NDUFB2: variants seen among roughly 807,000 people sequenced by gnomAD.
The protein encoded by NDUFB2 is NADH:ubiquinone oxidoreductase subunit B2.
Under a neutral mutation model 13.4 loss-of-function variants are expected in NDUFB2, and 13 were observed. The observed-to-expected ratio is 0.97, with a 90% CI of 0.63 to 1.54. The LOEUF is 1.54. NDUFB2 is among the 40% of genes most tolerant of loss of function. The pLI is 0.00. For synonymous variants in NDUFB2, 47 were observed against 50.6 expected (o/e 0.93, Z 0.30); for missense variants, 150 against 139.7 (o/e 1.07, Z -0.37).
At chr7:140,701,267 C>T (rs1794893152) in intron 1 of NDUFB2, among the ~76,000 whole-genome samples, 1 of 152,184 alleles carries the variant, frequency 6.6e-6, no homozygotes, top group South Asian at 2.1e-4. Flanking sequence ...CAGCATCTCA[C>T]TGGTAAATCA....
intron 1 of NDUFB2, chr7:140,700,889 T>C (rs1436059822): frequency 6.6e-6 from 1 of 152,128 alleles, no homozygotes; most frequent in Non-Finnish European, 1.5e-5. Context: ...GAATGAATAA[T>C]ATAATTGGTA....
rs1279304147 is a variant in NDUFB2 at position 140,696,814 on chromosome 7, C to T, written c.70C>T (p.Arg24Trp). The T allele has an allele frequency of 9.3e-6, 15 of 1,608,914 alleles. No individual in the cohort carries two copies. The South Asian group carries it at 1.4e-4, about 15-fold the overall frequency. Reference protein sequence around the residue: ...GGRLFRSGCARTAGDGGVRHA... With the variant: ...GGRLFRSGCAWTAGDGGVRHA... The stretch of plus-strand genomic sequence containing the variant: ...CCGCCTTTTCAGAAGCGGCTGCGCA[C>T]GGACTGCTGGAGATGGTGGAGTCCG... Residue 24 changes from arginine to tryptophan, a missense_variant, in exon 1 of 4, where the codon CGG becomes TGG. Arg to Trp is a moderately radical substitution (Grantham distance 101, BLOSUM62 -3). Transcript: ENST00000247866.
At chr7:140,697,187 T>G in intron 1 of NDUFB2, 1 of 610,518 alleles carries the variant, frequency 1.6e-6, no homozygotes, top group South Asian at 1.9e-5. Flanking sequence ...GCGGCGGGTG[T>G]GGACGCTCCT....
chr7:140,702,622 TAATG>T (rs1320435581), intron 1 of NDUFB2: 3 of 434,110 alleles, frequency 6.9e-6, no homozygotes, highest in African/African-American at 6.0e-5. Flanking sequence ...TAGTGCAAAA[TAATG>T]AATCTTCACT....
At chr7:140,702,761 T>G in intron 1 of NDUFB2, 105 bp from the exon 2 acceptor site, 5 of 1,266,052 alleles carry the variant, frequency 3.9e-6, no homozygotes, top group Non-Finnish European at 4.4e-6. Context: ...TCAGTGGAGA[T>G]GAGAAACATT....
chr7:140,706,192 G>C (rs975781708), intron 3 of NDUFB2: 2 of 152,032 alleles, frequency 1.3e-5, no homozygotes, highest in Admixed American at 1.3e-4. Context: ...CTGAGCTCAA[G>C]TGATTCTCCC....
chr7:140,697,150 G>A, intron 1 of NDUFB2: 1 of 591,312 alleles, frequency 1.7e-6, no homozygotes, highest in Non-Finnish European at 3.0e-6. Flanking sequence ...GCCGGCGCGG[G>A]CGGTCCAGGC....
chr7:140,698,160 G>T, intron 1 of NDUFB2: 1 of 1,352,072 alleles, frequency 7.4e-7, no homozygotes, highest in Non-Finnish European at 9.8e-7. Flanking sequence ...GTGTGGGGTG[G>T]GCAGAAGGCA....
chr7:140,697,382 G>A, intron 1 of NDUFB2: 1 of 702,914 alleles, frequency 1.4e-6, no homozygotes, highest in South Asian at 1.5e-5. Flanking sequence ...CCCAGAGAGA[G>A]CGCCGTCGGG....
At position 140,696,787 on chromosome 7, in the gene NDUFB2, G is replaced by A. The variant is rs1167035505; in HGVS notation, c.43G>A (p.Gly15Ser). 3 of 1,608,476 alleles carry A rather than the reference G, an allele frequency of 1.9e-6. No homozygotes were observed. Among genetic ancestry groups the A allele is most frequent in the Non-Finnish European group, 2.5e-6 (3 of 1,177,882 alleles). The change falls in exon 1 of 4, where the codon GGC (glycine) becomes AGC (serine). Residue 15 changes from glycine (G) to serine (S), a missense_variant. Gly to Ser is a moderately conservative substitution (Grantham distance 56). Coordinates refer to ENST00000247866, the MANE Select transcript of NDUFB2 (RefSeq NM_004546.3). ...TRLASFARVG[G>S]RLFRSGCART... ...GCTGGCGTCTTTCGCTCGCGTTGGA[G>A]GCCGCCTTTTCAGAAGCGGCTGCGC... is the stretch of plus-strand genomic sequence containing the variant.
intron 1 of NDUFB2, among the ~76,000 whole-genome samples, chr7:140,699,659 G>A (rs538506618): frequency 6.6e-6 from 1 of 152,090 alleles, no homozygotes; most frequent in South Asian, 2.1e-4. Flanking sequence ...ACCTCATGTA[G>A]CTATCCTGGT....
intron 1 of NDUFB2, chr7:140,697,507 G>GGGGTGCGAGGTAGGGAGC (rs71920389): frequency 6.1e-5 from 41 of 671,540 alleles, no homozygotes; most frequent in East Asian, 1.1e-4. Context: ...CGGAGGGCTG[G>GGGGTGCGAGGTAGGGAGC]GGGTGCGAGG....
At chr7:140,706,499 A>C (rs1453670214) in intron 3 of NDUFB2, 64 bp from the exon 4 acceptor site, 1 of 152,070 alleles carries the variant, frequency 6.6e-6, no homozygotes. Context: ...TGAATAAATG[A>C]ATTATGGATT....
At chr7:140,697,018 G>C in intron 1 of NDUFB2, 176 bp downstream of exon 1, 1 of 623,550 alleles carries the variant, frequency 1.6e-6, no homozygotes, top group Non-Finnish European at 2.8e-6. Context: ...CCGCTGGCCG[G>C]AGGGAGAGGG....
At chr7:140,696,944 C>T (rs1794817051) in intron 1 of NDUFB2, 102 bp downstream of exon 1, 2 of 1,075,426 alleles carry the variant, frequency 1.9e-6, no homozygotes, top group Non-Finnish European at 1.4e-6. Context: ...GAGGCCGCGT[C>T]CCGAGGCATG....
chr7:140,697,513 CGAGG>C, intron 1 of NDUFB2: 2 of 439,436 alleles, frequency 4.6e-6, no homozygotes, highest in Non-Finnish European at 7.4e-6. Context: ...GCTGGGGGTG[CGAGG>C]TAGGGAGCGG....
intron 1 of NDUFB2, among the ~76,000 whole-genome samples, chr7:140,698,738 C>T (rs1176997111): frequency 6.6e-6 from 1 of 151,906 alleles, no homozygotes; most frequent in East Asian, 1.9e-4. Context: ...GAGACCAGGT[C>T]ACAGGGACAA....
chr7:140,697,953 G>A, intron 1 of NDUFB2: 1 of 1,262,468 alleles, frequency 7.9e-7, no homozygotes, highest in East Asian at 5.6e-5. Context: ...TCCAGCCTCG[G>A]CCTCCCAAAG....
Position 140,702,901 on chromosome 7 carries a change from G to C in NDUFB2, c.134G>C (p.Arg45Thr), listed in dbSNP as rs762686600. ...GGGVHIEPRY[R>T]QFPQLTRSQV... ...GGTGTGCACATTGAGCCCCGGTATAGACAGTTCCCCCAGCTGACCAGATCC... is the reference window on the plus strand; with the variant it reads ...GGTGTGCACATTGAGCCCCGGTATACACAGTTCCCCCAGCTGACCAGATCC... Residue 45 changes from arginine (R) to threonine (T), a missense_variant, in exon 2 of 4, where the codon AGA (arginine) becomes ACA (threonine). By Grantham distance (71) the Arg-to-Thr change is moderately conservative. Coordinates refer to ENST00000247866, the MANE Select transcript of NDUFB2 (RefSeq NM_004546.3). 2 of 1,614,000 alleles carry C rather than the reference G, an allele frequency of 1.2e-6. No individual in the cohort carries two copies. Among genetic ancestry groups the C allele is most frequent in the Admixed American group, 1.7e-5 (1 of 59,972 alleles).
Sources: gnomAD v4.1 joint callset for allele counts (sites outside exome capture counted in the v4.1 genomes callset) on GRCh38, gnomAD v4.1.1 for gene constraint, MANE v1.5 for transcripts, NCBI Gene and HGNC (gene_info 2026-07-23, HGNC 2026-07-21) for gene names.